The following FSTL5 variants were observed in gnomAD, a reference collection of about 807,000 sequenced individuals.
FSTL5 encodes the protein follistatin-related protein 5.
Under a neutral mutation model 89.1 loss-of-function variants are expected in FSTL5, and 62 were observed. That is an observed-to-expected ratio of 0.70 (90% CI 0.57 to 0.86). The LOEUF is 0.86. FSTL5 is among the 40% of genes least tolerant of loss of function. The pLI is 0.00. For missense variants in FSTL5, 1,057 were observed against 1,001.6 expected, an observed-to-expected ratio of 1.06 and a Z score of -0.75; for synonymous variants, 383 against 346.2, an observed-to-expected ratio of 1.11 and a Z score of -1.18.
chr4:161,590,258 G>T (rs1477164572), intron 7 of FSTL5, among the ~76,000 whole-genome samples: 1 of 151,992 alleles, frequency 6.6e-6, no homozygotes. Flanking sequence ...AAAGCAAATA[G>T]GCTGGGCATG....
At chr4:161,470,598 T>A (rs1182115953) in intron 13 of FSTL5, among the ~76,000 whole-genome samples, 1 of 151,054 alleles carries the variant, frequency 6.6e-6, no homozygotes, top group Non-Finnish European at 1.5e-5. Flanking sequence ...ATATGAATTT[T>A]AAGATGAGCT....
intron 3 of FSTL5, among the ~76,000 whole-genome samples, chr4:162,020,561 T>C (rs551391466): frequency 1.3e-5 from 2 of 152,184 alleles, no homozygotes; most frequent in South Asian, 4.1e-4. Flanking sequence ...TGACTCTCAA[T>C]TAGAGAAGAG....
intron 8 of FSTL5, among the ~76,000 whole-genome samples, chr4:161,577,737 T>C (rs1278539731): frequency 5.9e-5 from 9 of 152,146 alleles, no homozygotes; most frequent in African/African-American, 2.2e-4. Context: ...GATGAAACTA[T>C]TCAAAATCAG....
At chr4:161,823,440 C>T (rs926199609) in intron 4 of FSTL5, among the ~76,000 whole-genome samples, 6 of 152,196 alleles carry the variant, frequency 3.9e-5, no homozygotes, top group Admixed American at 2.6e-4. Context: ...AGCACAGCCC[C>T]GAGTTCATGT....
At chr4:161,966,023 C>A (rs1735317024) in intron 3 of FSTL5, among the ~76,000 whole-genome samples, 1 of 151,978 alleles carries the variant, frequency 6.6e-6, no homozygotes, top group Non-Finnish European at 1.5e-5. Flanking sequence ...GTATAAATTT[C>A]TAATTTTGTG....
chr4:161,947,968 T>C (rs886183508), intron 3 of FSTL5, among the ~76,000 whole-genome samples: 1 of 152,076 alleles, frequency 6.6e-6, no homozygotes, highest in African/African-American at 2.4e-5. Flanking sequence ...TACCTTATTT[T>C]ATTTTCTAAT....
chr4:161,658,231 A>T (rs1002989952), intron 6 of FSTL5, among the ~76,000 whole-genome samples: 8 of 151,956 alleles, frequency 5.3e-5, no homozygotes, highest in African/African-American at 1.9e-4. Context: ...CGGGAGGCAG[A>T]GGCAGGCGGA....
intron 15 of FSTL5, among the ~76,000 whole-genome samples, chr4:161,433,423 G>A (rs927643851): frequency 6.6e-6 from 1 of 151,716 alleles, no homozygotes; most frequent in Non-Finnish European, 1.5e-5. Flanking sequence ...CATAATAAAA[G>A]CCACATACAA....
At chr4:161,857,021 T>G (rs7667931) in intron 4 of FSTL5, among the ~76,000 whole-genome samples, 114,307 of 151,996 alleles carry the variant, frequency 0.75, 43,199 homozygotes, top group East Asian at 0.82. Flanking sequence ...TGTATAGTCT[T>G]GGTTGATTAT....
intron 13 of FSTL5, among the ~76,000 whole-genome samples, chr4:161,473,418 C>T (rs1285525898): frequency 8.2e-6 from 1 of 122,586 alleles, no homozygotes; most frequent in Non-Finnish European, 1.6e-5. Context: ...CTCTTTGTCT[C>T]TTGTAATTTT....
intron 5 of FSTL5, among the ~76,000 whole-genome samples, chr4:161,773,835 C>A (rs1039549531): frequency 6.6e-6 from 1 of 152,208 alleles, no homozygotes; most frequent in Non-Finnish European, 1.5e-5. Context: ...AATCCCACTA[C>A]TGGGTATCTA....
At position 162,070,380 on chromosome 4, in the gene FSTL5, T is replaced by C. The variant is rs569410911; in HGVS notation, c.127-36722A>G. Among the ~76,000 whole-genome samples, 26 of 152,048 alleles carry C rather than the reference T, an allele frequency of 1.7e-4. No homozygotes were observed. In the Admixed American group the frequency reaches 1.7e-3, roughly 10 times the overall value. ...TTAGTTTGATATAATATCTTTTGTCTATTTTTGTCTGTTCATCTGAAGTCT... is the reference window on the plus strand; with the variant it reads ...TTAGTTTGATATAATATCTTTTGTCCATTTTTGTCTGTTCATCTGAAGTCT... On this transcript the variant is annotated intron_variant, in intron 2 of 15. Coordinates refer to ENST00000306100, the MANE Select transcript of FSTL5 (RefSeq NM_020116.5).
chr4:161,600,554 G>A (rs1337496949), intron 7 of FSTL5, among the ~76,000 whole-genome samples: 1 of 152,058 alleles, frequency 6.6e-6, no homozygotes, highest in Non-Finnish European at 1.5e-5. Context: ...GTATCTCAAA[G>A]TAAATAGCTT....
At chr4:161,428,658 G>A (rs1732246464) in intron 15 of FSTL5, among the ~76,000 whole-genome samples, 1 of 152,022 alleles carries the variant, frequency 6.6e-6, no homozygotes, top group Admixed American at 6.5e-5. Flanking sequence ...GAAGAACGCA[G>A]TCTGGGCAAG....
intron 2 of FSTL5, among the ~76,000 whole-genome samples, chr4:162,093,769 T>G (rs887384894): frequency 2.0e-5 from 3 of 152,160 alleles, no homozygotes; most frequent in Non-Finnish European, 4.4e-5. Context: ...TTTGGGCAAA[T>G]TTACAATCGA....
chr4:161,601,576 T>A (rs1299706474), intron 7 of FSTL5, among the ~76,000 whole-genome samples: 1 of 152,084 alleles, frequency 6.6e-6, no homozygotes. Context: ...CACCCATGCT[T>A]GCAAAGAACC....
chr4:161,787,353 G>A (rs1246098350), intron 4 of FSTL5, among the ~76,000 whole-genome samples: 1 of 152,060 alleles, frequency 6.6e-6, no homozygotes, highest in Non-Finnish European at 1.5e-5. Context: ...CTTGACAGTT[G>A]AAGCCATGAT....
At chr4:161,492,646 T>C (rs1729921812) in intron 12 of FSTL5, among the ~76,000 whole-genome samples, 1 of 152,086 alleles carries the variant, frequency 6.6e-6, no homozygotes, top group Non-Finnish European at 1.5e-5. Context: ...ACCCATCATA[T>C]GTCTTCTAAA....
intron 15 of FSTL5, among the ~76,000 whole-genome samples, chr4:161,437,152 T>C (rs1320418239): frequency 6.6e-6 from 1 of 152,074 alleles, no homozygotes; most frequent in Non-Finnish European, 1.5e-5. Context: ...GGAAGAGATA[T>C]TGAAGCATTA....
Sources: gnomAD v4.1 joint callset for allele counts (sites outside exome capture counted in the v4.1 genomes callset) on GRCh38, gnomAD v4.1.1 for gene constraint, MANE v1.5 for transcripts, NCBI Gene and HGNC (gene_info 2026-07-23, HGNC 2026-07-21) for gene names.